Variants in OLA1 observed in about 807,000 individuals in gnomAD.
The protein encoded by OLA1 is Obg like ATPase 1, also known as obg-like ATPase 1.
In OLA1, 14 loss-of-function variants were observed where a neutral mutation model predicts 48.4. The ratio of observed to expected loss-of-function variants is 0.29; its 90% CI spans 0.19 to 0.45. The LOEUF (loss-of-function observed/expected upper bound fraction) is 0.45. Ranked by LOEUF, OLA1 falls within the 20% of genes least tolerant of loss-of-function variation. The probability of loss-of-function intolerance (pLI) is 1.00; values close to 1 mark genes in which losing one functional copy is unlikely to be tolerated. For missense variants in OLA1, 325 were observed against 467.1 expected (o/e 0.70, Z 2.80); for synonymous variants, 127 against 150.4 (o/e 0.84, Z 1.14).
chr2:174,123,702 T>A (rs755586947), intron 5 of OLA1, 27 bp from the exon 6 acceptor site: 6 of 1,197,902 alleles, frequency 5.0e-6, no homozygotes, highest in Non-Finnish European at 5.9e-6. Context: ...AAAAGGTAAA[T>A]ATATATGAAT....
chr2:174,108,098 T>C (rs1484075099), intron 7 of OLA1, among the ~76,000 whole-genome samples: 1 of 152,068 alleles, frequency 6.6e-6, no homozygotes, highest in Admixed American at 6.6e-5. Context: ...CTGCCTTGCC[T>C]CAAAGAACTA....
chr2:174,119,499 C>T (rs774444249), intron 7 of OLA1, among the ~76,000 whole-genome samples: 271 of 151,976 alleles, frequency 1.8e-3, no homozygotes, highest in Non-Finnish European at 2.7e-3. Flanking sequence ...AATTGTGTGT[C>T]AAAAATATAC....
At chr2:174,163,259 A>G (rs1687055810) in intron 4 of OLA1, among the ~76,000 whole-genome samples, 2 of 152,188 alleles carry the variant, frequency 1.3e-5, no homozygotes, top group East Asian at 3.8e-4. Context: ...CCCAGCAACA[A>G]TTTATTAGTA....
intron 4 of OLA1, among the ~76,000 whole-genome samples, chr2:174,168,707 G>T (rs1687224829): frequency 6.6e-6 from 1 of 151,794 alleles, no homozygotes; most frequent in South Asian, 2.1e-4. Context: ...AGAAAGGAGG[G>T]CAGGGAGGAA....
At chr2:174,078,675 A>T (rs1684799660) in intron 10 of OLA1, among the ~76,000 whole-genome samples, 1 of 151,934 alleles carries the variant, frequency 6.6e-6, no homozygotes, top group African/African-American at 2.4e-5. Context: ...GCCATGAGTG[A>T]ACAAATTCTT....
At chr2:174,229,157 A>G (rs1209007682) in intron 3 of OLA1, 151 bp downstream of exon 3, 2 of 758,024 alleles carry the variant, frequency 2.6e-6, no homozygotes, top group Non-Finnish European at 4.2e-6. Context: ...TACAGGTGTG[A>G]GCCACCGCAC....
At chr2:174,224,169 T>C (rs1165109468) in intron 3 of OLA1, among the ~76,000 whole-genome samples, 1 of 152,204 alleles carries the variant, frequency 6.6e-6, no homozygotes, top group Non-Finnish European at 1.5e-5. Flanking sequence ...TTCTATGAAG[T>C]ATTACAGATT....
intron 1 of OLA1, chr2:174,247,950 C>T: frequency 2.6e-6 from 2 of 761,250 alleles, no homozygotes; most frequent in Non-Finnish European, 4.1e-6. Context: ...AAAACTGTCC[C>T]AGTCTTCTGG....
intron 4 of OLA1, among the ~76,000 whole-genome samples, chr2:174,148,811 C>T (rs1361439604): frequency 5.3e-5 from 8 of 152,110 alleles, no homozygotes; most frequent in Non-Finnish European, 8.8e-5. Context: ...GGTTAGTCTC[C>T]CTCCCATCTC....
At chr2:174,084,104 C>T (rs147733554) in intron 7 of OLA1, among the ~76,000 whole-genome samples, 1 of 152,302 alleles carries the variant, frequency 6.6e-6, no homozygotes, top group East Asian at 1.9e-4. Context: ...CTGGTGAATA[C>T]ACTATTGTAC....
intron 4 of OLA1, among the ~76,000 whole-genome samples, chr2:174,162,820 G>T (rs1301910212): frequency 6.6e-6 from 1 of 152,150 alleles, no homozygotes; most frequent in East Asian, 1.9e-4. Flanking sequence ...GAGGCGGGCG[G>T]ATCGCTTGAG....
chr2:174,165,120 C>G (rs1162191073), intron 4 of OLA1, among the ~76,000 whole-genome samples: 1 of 152,128 alleles, frequency 6.6e-6, no homozygotes, highest in Non-Finnish European at 1.5e-5. Flanking sequence ...TAACTGCAAG[C>G]CAATATATAG....
intron 7 of OLA1, among the ~76,000 whole-genome samples, chr2:174,083,905 C>T (rs1684912557): frequency 6.6e-6 from 1 of 152,068 alleles, no homozygotes; most frequent in South Asian, 2.1e-4. Context: ...TATGAAACAA[C>T]AAGATAAGAA....
At chr2:174,203,716 AT>A (rs1688043745) in intron 4 of OLA1, among the ~76,000 whole-genome samples, 1 of 151,758 alleles carries the variant, frequency 6.6e-6, no homozygotes, top group African/African-American at 2.4e-5. Context: ...TTGTTATTTT[AT>A]TTTACTGAAA....
intron 4 of OLA1, among the ~76,000 whole-genome samples, chr2:174,179,557 T>C (rs1284792726): frequency 2.0e-5 from 3 of 151,988 alleles, no homozygotes; most frequent in African/African-American, 7.2e-5. Flanking sequence ...AGAAAAAGAC[T>C]CATGTGGGAT....
intron 7 of OLA1, among the ~76,000 whole-genome samples, chr2:174,115,640 G>GT (rs1426651442): frequency 6.6e-6 from 1 of 152,024 alleles, no homozygotes; most frequent in African/African-American, 2.4e-5. Context: ...ACTGACTCCT[G>GT]TTTCCTTCTC....
intron 1 of OLA1, chr2:174,247,813 A>T: frequency 6.5e-7 from 1 of 1,547,018 alleles, no homozygotes; most frequent in Non-Finnish European, 8.7e-7. Context: ...TTTTATTTAC[A>T]AGTCGAAACT....
chr2:174,112,105 T>C (rs77345174), intron 7 of OLA1, among the ~76,000 whole-genome samples: 20,726 of 152,230 alleles, frequency 0.14, 1,798 homozygotes, highest in Non-Finnish European at 0.2. Context: ...AAACCTTACC[T>C]AAATGAAATT....
chr2:174,119,788 T>C (rs1685871040), intron 7 of OLA1, among the ~76,000 whole-genome samples: 1 of 152,150 alleles, frequency 6.6e-6, no homozygotes, highest in Non-Finnish European at 1.5e-5. Flanking sequence ...CACATTGCCC[T>C]TCATTATTAA....
Sources: gnomAD v4.1 joint callset for allele counts (sites outside exome capture counted in the v4.1 genomes callset) on GRCh38, gnomAD v4.1.1 for gene constraint, MANE v1.5 for transcripts, NCBI Gene and HGNC (gene_info 2026-07-23, HGNC 2026-07-21) for gene names.